TLE1: variants seen among roughly 807,000 people sequenced by gnomAD.
The protein encoded by TLE1 is TLE family member 1, transcriptional corepressor, also known as transducin-like enhancer protein 1.
In TLE1, 21 loss-of-function variants were observed where a neutral mutation model predicts 89.8. The observed-to-expected ratio is 0.23, with a 90% confidence interval of 0.17 to 0.34. The LOEUF is 0.34. Among genes scored for constraint, TLE1 ranks in the 10% least tolerant of loss-of-function variants. The probability of loss-of-function intolerance (pLI) is 1.00; values close to 1 mark genes in which losing one functional copy is unlikely to be tolerated. For missense variants in TLE1, 795 were observed against 1,031.2 expected, an observed-to-expected ratio of 0.77 and a Z score of 3.14; for synonymous variants, 447 against 407.6, an observed-to-expected ratio of 1.10 and a Z score of -1.16.
rs991661637 is a variant in TLE1 at position 81,611,686 on chromosome 9, G to C, written c.1254+83C>G. The C allele has an allele frequency of 5.4e-6, 7 of 1,308,108 alleles. No individual in the cohort carries two copies. In the African/African-American group the frequency reaches 7.8e-5, roughly 15 times the overall value. 81.0% of individuals were successfully genotyped at this position (1,308,108 alleles called of 1,614,324 possible). On this transcript the variant is annotated intron_variant, in intron 13 of 19. Coordinates refer to ENST00000376499, the MANE Select transcript of TLE1 (RefSeq NM_005077.5). Reference sequence around the variant, plus strand: ...GCTGCTCCTGCCCACGCAGCGCAGAGAGGCCTGGCCCCAAACCTGACAGCG... The same window carrying C: ...GCTGCTCCTGCCCACGCAGCGCAGACAGGCCTGGCCCCAAACCTGACAGCG...
intron 4 of TLE1, among the ~76,000 whole-genome samples, chr9:81,660,339 C>G (rs1251322527): frequency 8.3e-6 from 1 of 120,214 alleles, no homozygotes; most frequent in Non-Finnish European, 1.9e-5. Flanking sequence ...AAAGGCTGTT[C>G]ACAAAAAAAA....
rs1827029898 is a variant in TLE1 at position 81,633,909 on chromosome 9, G to A, written c.577+188C>T. On this transcript the variant is annotated intron_variant, in intron 7 of 19. Coordinates refer to ENST00000376499, the MANE Select transcript of TLE1 (RefSeq NM_005077.5). ...ATCTAACGAGATCGAGAAATCTACA[G>A]ATGCCCACAGCAAACCCTGCAAACT... is the stretch of plus-strand genomic sequence containing the variant. 6.9e-6 allele frequency: 4 copies of A among 579,298 alleles called. No individual in the cohort carries two copies. In the South Asian group the frequency reaches 1.0e-4, roughly 15 times the overall value. The allele number at this position is 579,298 out of a possible 1,614,324, so 35.9% of individuals were successfully genotyped here. A position where few individuals can be genotyped will look rare whatever the true frequency, so the allele number is the denominator to read the frequency against.
chr9:81,669,943 G>T (rs1038731621), intron 4 of TLE1, among the ~76,000 whole-genome samples: 1 of 152,146 alleles, frequency 6.6e-6, no homozygotes, highest in African/African-American at 2.4e-5. Flanking sequence ...ATCGTGTCAA[G>T]CTAAGATTCA....
At chr9:81,599,324 G>A (rs1830612921) in intron 14 of TLE1, among the ~76,000 whole-genome samples, 1 of 152,062 alleles carries the variant, frequency 6.6e-6, no homozygotes, top group Non-Finnish European at 1.5e-5. Flanking sequence ...CTTTACCTTA[G>A]CTTCCACATC....
chr9:81,607,315 G>A (rs10867778), intron 14 of TLE1, among the ~76,000 whole-genome samples: 27,902 of 149,672 alleles, frequency 0.19, 4,238 homozygotes, highest in East Asian at 0.57. Context: ...TATTACTTCT[G>A]TCTTACAACT....
Position 81,688,360 on chromosome 9 carries a change from G to A in TLE1, c.-120C>T, listed in dbSNP as rs1834651247. 1.7e-6 allele frequency: 2 copies of A among 1,150,992 alleles called. No individual in the cohort carries two copies. The highest frequency in any genetic ancestry group is 2.3e-6 in the Non-Finnish European group (2 of 862,494). The allele number at this position is 1,150,992 out of a possible 1,614,324, so 71.3% of individuals were successfully genotyped here. On this transcript the variant is annotated 5_prime_UTR_variant, in exon 1 of 20. Transcript: ENST00000376499. Reference sequence around the variant, plus strand: ...CCAAGCAGAAGCGGGGAGCGCGCTGGCCACGCACGCGCGCTCCGCCGGGCG... The same window carrying A: ...CCAAGCAGAAGCGGGGAGCGCGCTGACCACGCACGCGCGCTCCGCCGGGCG...
In TLE1 at chr9:81,688,621, T is replaced by G; in HGVS notation, c.-381A>C. The G allele has an allele frequency of 4.4e-6, 1 of 224,870 alleles. No homozygotes were observed. The highest frequency in any genetic ancestry group is 1.7e-4 in the South Asian group (1 of 5,868). 13.9% of individuals were successfully genotyped at this position (224,870 alleles called of 1,614,324 possible). A position where few individuals can be genotyped will look rare whatever the true frequency, so the allele number is the denominator to read the frequency against. Reference sequence around the variant, plus strand: ...ACCGCACTCCCCTCGGCGATCCGCGTGCGCGGCGCCAGTCCTGGGCAAACA... The same window carrying G: ...ACCGCACTCCCCTCGGCGATCCGCGGGCGCGGCGCCAGTCCTGGGCAAACA... On this transcript the variant is annotated 5_prime_UTR_variant, in exon 1 of 20. Transcript: ENST00000376499.
chr9:81,612,185 C>T (rs531288777), intron 12 of TLE1: 5 of 695,416 alleles, frequency 7.2e-6, no homozygotes, highest in Admixed American at 4.4e-5. Context: ...ACAACCCACA[C>T]ATTTTCTCAT....
At chr9:81,585,094 A>T (rs1828193452) in intron 18 of TLE1, among the ~76,000 whole-genome samples, 1 of 152,162 alleles carries the variant, frequency 6.6e-6, no homozygotes, top group South Asian at 2.1e-4. Flanking sequence ...ACTGTAGAGT[A>T]GAGTGTAACT....
At chr9:81,635,951 G>A (rs559196814) in intron 6 of TLE1, among the ~76,000 whole-genome samples, 1 of 152,214 alleles carries the variant, frequency 6.6e-6, no homozygotes, top group African/African-American at 2.4e-5. Flanking sequence ...TGCAGCCCAA[G>A]AGTTTGAGAC....
At chr9:81,665,998 G>A (rs1831416157) in intron 4 of TLE1, among the ~76,000 whole-genome samples, 1 of 152,088 alleles carries the variant, frequency 6.6e-6, no homozygotes, top group Non-Finnish European at 1.5e-5. Context: ...TTGCCAAGCA[G>A]AGCATTTGGG....
chr9:81,622,289 C>A (rs1588006832), intron 8 of TLE1, among the ~76,000 whole-genome samples: 1 of 152,194 alleles, frequency 6.6e-6, no homozygotes, highest in East Asian at 1.9e-4. Flanking sequence ...TTTAAATCCG[C>A]CCAAGTGCCC....
At chr9:81,634,652 G>C (rs904918371) in intron 6 of TLE1, among the ~76,000 whole-genome samples, 1 of 152,106 alleles carries the variant, frequency 6.6e-6, no homozygotes, top group African/African-American at 2.4e-5. Context: ...AAGTAAACAT[G>C]AGCTAGTTCT....
At chr9:81,683,250 T>C (rs1043401335) in intron 4 of TLE1, among the ~76,000 whole-genome samples, 2 of 151,136 alleles carry the variant, frequency 1.3e-5, no homozygotes, top group Admixed American at 1.3e-4. Context: ...GTAACAAAGA[T>C]GTTGTCAAAA....
intron 8 of TLE1, chr9:81,621,000 G>C: frequency 2.5e-6 from 1 of 398,648 alleles, no homozygotes; most frequent in Non-Finnish European, 5.0e-6. Flanking sequence ...AAAGGAAGCG[G>C]TGGGATTAAC....
chr9:81,595,532 A>G (rs1039249554), intron 14 of TLE1, among the ~76,000 whole-genome samples: 8 of 152,166 alleles, frequency 5.3e-5, no homozygotes, highest in South Asian at 2.1e-4. Context: ...AAATTAAACA[A>G]TTGAGGCTGG....
At position 81,675,698 on chromosome 9, in the gene TLE1, GT is replaced by G. The variant is rs35060460; in HGVS notation, c.234+9977del. Among the ~76,000 whole-genome samples, 15 of 129,666 alleles carry G rather than the reference GT, an allele frequency of 1.2e-4. No individual in the cohort carries two copies. The Admixed American group carries it at 1.2e-3, about 10-fold the overall frequency. 85.1% of individuals were successfully genotyped at this position (129,666 alleles called of 152,430 possible). A position where few individuals can be genotyped will look rare whatever the true frequency, so the allele number is the denominator to read the frequency against. Reference sequence around the variant, plus strand: ...AATTTTAGCATAAGGACTCACACTAGTTTTTTTTTGTTTTTTTTTTTGAGAC... The same window carrying G: ...AATTTTAGCATAAGGACTCACACTAGTTTTTTTTGTTTTTTTTTTTGAGAC... On this transcript the variant is annotated intron_variant, in intron 4 of 19. Coordinates refer to ENST00000376499, the MANE Select transcript of TLE1 (RefSeq NM_005077.5).
At chr9:81,619,152 A>G (rs1484904720) in intron 9 of TLE1, among the ~76,000 whole-genome samples, 2 of 152,214 alleles carry the variant, frequency 1.3e-5, no homozygotes, top group African/African-American at 2.4e-5. Context: ...ATTAACACTG[A>G]AAGTACACAA....
chr9:81,615,312 G>A (rs1587976651), intron 11 of TLE1, among the ~76,000 whole-genome samples: 2 of 149,628 alleles, frequency 1.3e-5, no homozygotes, highest in East Asian at 4.0e-4. Flanking sequence ...CTGGGCAACA[G>A]AGTGAGACTC....
Sources: allele counts gnomAD v4.1 joint callset (sites outside exome capture counted in the v4.1 genomes callset), GRCh38; gene constraint gnomAD v4.1.1; transcripts MANE v1.5; gene names NCBI Gene and HGNC (gene_info 2026-07-23, HGNC 2026-07-21).